Variants in LRSAM1 observed in about 807,000 individuals in gnomAD.
LRSAM1 encodes the protein leucine rich repeat and sterile alpha motif containing 1.
LRSAM1 carries 96 observed loss-of-function variants against 118.1 expected under a neutral mutation model. That is an observed-to-expected ratio of 0.81 (90% CI 0.69 to 0.96). The LOEUF (loss-of-function observed/expected upper bound fraction) is 0.96. Ranked by LOEUF, LRSAM1 falls within the 40% of genes least tolerant of loss-of-function variation. LRSAM1 has a pLI of 0.00. For synonymous variants in LRSAM1, 322 were observed against 364.2 expected (o/e 0.88, Z 1.32); for missense variants, 804 against 915.5 (o/e 0.88, Z 1.57).
At chr9:127,463,198 CAAAAAAAAAAAA>C (rs35181083) in intron 9 of LRSAM1, among the ~76,000 whole-genome samples, 1 of 98,756 alleles carries the variant, frequency 1.0e-5, no homozygotes, top group African/African-American at 4.0e-5. Flanking sequence ...GACTTTGTCT[CAAAAAAAAAAAA>C]AAAAAAAAAA....
rs1835928666 is a variant in LRSAM1, at chr9:127,491,401, C to T, written c.1503+106C>T. The T allele has an allele frequency of 3.3e-5, 28 of 857,122 alleles. No homozygotes were observed. The East Asian group carries it at 7.2e-4, about 22-fold the overall frequency. The allele number at this position is 857,122 out of a possible 1,614,324, so 53.1% of individuals were successfully genotyped here. On this transcript the variant is annotated intron_variant, in intron 20 of 25. Coordinates refer to ENST00000300417, the MANE Select transcript of LRSAM1 (RefSeq NM_001005373.4). ...CTCACCAGCCCCTGGGAGTCAAGGG[C>T]TTCCCCAGCAGACAGAGGGCAGAGC... is the stretch of plus-strand genomic sequence containing the variant.
intron 9 of LRSAM1, among the ~76,000 whole-genome samples, chr9:127,464,640 A>G (rs968555983): frequency 5.3e-5 from 8 of 151,380 alleles, no homozygotes; most frequent in Non-Finnish European, 1.2e-4. Flanking sequence ...TGAGTTCTGG[A>G]CACTTCAATT....
At chr9:127,499,387 A>G (rs959754715) in intron 24 of LRSAM1, among the ~76,000 whole-genome samples, 10 of 151,850 alleles carry the variant, frequency 6.6e-5, no homozygotes, top group Admixed American at 2.6e-4. Flanking sequence ...AAACAAAAAA[A>G]TTAAAAAAAA....
intron 20 of LRSAM1, among the ~76,000 whole-genome samples, chr9:127,491,832 C>T (rs898113163): frequency 2.0e-5 from 3 of 152,210 alleles, no homozygotes; most frequent in African/African-American, 4.8e-5. Context: ...TGCCTGGGAG[C>T]CGGGTGTGGC....
intron 7 of LRSAM1, among the ~76,000 whole-genome samples, chr9:127,460,824 G>A (rs114552588): frequency 2.0e-5 from 3 of 147,858 alleles, no homozygotes; most frequent in Non-Finnish European, 4.5e-5. Flanking sequence ...GTGGGTTCTC[G>A]TGTCACCTCT....
At position 127,479,897 on chromosome 9, in the gene LRSAM1, G is replaced by A. The variant is rs145881988; in HGVS notation, c.962G>A (p.Arg321Gln). Residue 321 changes from arginine to glutamine, a missense_variant, in exon 14 of 26, where the codon CGG (arginine) becomes CAG (glutamine). Coordinates refer to ENST00000300417, the MANE Select transcript of LRSAM1 (RefSeq NM_001005373.4). ...CACCAGCGCCACCTCAACGCAGAGC[G>A]GCAGCGGCTGCAGGAGCAGCTGAAG... ...SEHQRHLNAE[R>Q]QRLQEQLKQT... 2.2e-5 allele frequency: 36 copies of A among 1,611,702 alleles called. No homozygotes were observed. Among genetic ancestry groups the A allele is most frequent in the Middle Eastern group, 1.7e-4 (1 of 6,050 alleles).
chr9:127,457,424 C>T, intron 6 of LRSAM1, 31 bp downstream of exon 6: 2 of 1,607,088 alleles, frequency 1.2e-6, no homozygotes, highest in Non-Finnish European at 1.7e-6. Context: ...GCAGCTGGGG[C>T]TCTGCATGGG....
At chr9:127,483,246 T>G (rs926412947) in intron 16 of LRSAM1, among the ~76,000 whole-genome samples, 4 of 152,210 alleles carry the variant, frequency 2.6e-5, no homozygotes, top group African/African-American at 9.6e-5. Context: ...TACTGCTTAC[T>G]GCTCCCCAAC....
At chr9:127,467,270 A>AAAC (rs1357853162) in intron 9 of LRSAM1, among the ~76,000 whole-genome samples, 1 of 150,700 alleles carries the variant, frequency 6.6e-6, no homozygotes, top group African/African-American at 2.4e-5. Flanking sequence ...TACAAAAAAT[A>AAAC]AACAGTTCCA....
chr9:127,481,084 C>A, intron 14 of LRSAM1, 99 bp from the exon 15 acceptor site: 1 of 1,331,800 alleles, frequency 7.5e-7, no homozygotes, highest in Non-Finnish European at 1.1e-6. Context: ...GCCAAGGTGC[C>A]CCCAGCCCAT....
Position 127,451,521 on chromosome 9 carries a change from G to A in LRSAM1, c.-337G>A. The A allele has an allele frequency of 1.6e-6, 1 of 621,970 alleles. No individual in the cohort carries two copies. Among genetic ancestry groups the A allele is most frequent in the Non-Finnish European group, 2.8e-6 (1 of 357,796 alleles). 38.5% of individuals were successfully genotyped at this position (621,970 alleles called of 1,614,324 possible). A position where few individuals can be genotyped will look rare whatever the true frequency, so the allele number is the denominator to read the frequency against. On this transcript the variant is annotated 5_prime_UTR_variant, in exon 1 of 26. Coordinates refer to ENST00000300417, the MANE Select transcript of LRSAM1 (RefSeq NM_001005373.4). ...TTGTCGCCATGTTTGTTGTGGGCAG[G>A]CGCCTGAGGCTGACGGCTGGCAAGC...
intron 24 of LRSAM1, among the ~76,000 whole-genome samples, chr9:127,500,193 T>G (rs944368867): frequency 2.0e-4 from 30 of 151,692 alleles, no homozygotes; most frequent in African/African-American, 6.0e-4. Flanking sequence ...AAACCCCACC[T>G]CTACTAAAGA....
Position 127,454,994 on chromosome 9 carries a change from T to G in LRSAM1, c.73-4T>G. ...TACTTTTTAAAAATTCTTTTTATCCTTAGGCAAAAGAAGCTGGGGCAGATG... is the reference window on the plus strand; with the variant it reads ...TACTTTTTAAAAATTCTTTTTATCCGTAGGCAAAAGAAGCTGGGGCAGATG... On this transcript the variant is annotated splice_region_variant and splice_polypyrimidine_tract_variant and intron_variant, in intron 3 of 25. Transcript: ENST00000300417. 1 of 1,613,994 alleles carries G rather than the reference T, an allele frequency of 6.2e-7. No homozygotes were observed. The highest frequency in any genetic ancestry group is 8.5e-7 in the Non-Finnish European group (1 of 1,179,822).
At chr9:127,491,410 C>T in intron 20 of LRSAM1, 115 bp downstream of exon 20, 1 of 797,340 alleles carries the variant, frequency 1.3e-6, no homozygotes, top group Non-Finnish European at 2.2e-6. Context: ...GCTTCCCCAG[C>T]AGACAGAGGG....
chr9:127,467,843 C>T lies in LRSAM1; in HGVS notation c.619+13C>T, dbSNP rs148704769. On this transcript the variant is annotated intron_variant, in intron 10 of 25. Coordinates refer to ENST00000300417, the MANE Select transcript of LRSAM1 (RefSeq NM_001005373.4). ...TTCCTCTGCAAAGGTAAAGCCAGGCCGCTGCCTCCTCCCCTCATTGAGGAA... is the reference window on the plus strand; with the variant it reads ...TTCCTCTGCAAAGGTAAAGCCAGGCTGCTGCCTCCTCCCCTCATTGAGGAA... 4.0e-4 allele frequency: 632 copies of T among 1,568,106 alleles called. 10 individuals are homozygous for T. In the East Asian group the frequency reaches 0.011, roughly 28 times the overall value.
intron 14 of LRSAM1, among the ~76,000 whole-genome samples, chr9:127,480,960 T>G (rs1221403577): frequency 6.6e-6 from 1 of 152,180 alleles, no homozygotes; most frequent in Non-Finnish European, 1.5e-5. Context: ...ATTACAGATG[T>G]GAGCCACTGT....
intron 9 of LRSAM1, 26 bp from the exon 10 acceptor site, chr9:127,467,714 A>G (rs1393542526): frequency 1.3e-6 from 2 of 1,598,548 alleles, no homozygotes; most frequent in Admixed American, 3.5e-5. Context: ...AGCGAACAGT[A>G]AAGCGGGTTA....
chr9:127,498,461 T>C (rs1200414081), intron 24 of LRSAM1, among the ~76,000 whole-genome samples: 3 of 152,188 alleles, frequency 2.0e-5, no homozygotes, highest in Non-Finnish European at 2.9e-5. Flanking sequence ...ACAGGTGCCC[T>C]TCACCCTGAG....
At chr9:127,482,486 G>A (rs926311335) in intron 15 of LRSAM1, among the ~76,000 whole-genome samples, 4 of 152,110 alleles carry the variant, frequency 2.6e-5, no homozygotes, top group Admixed American at 1.3e-4. Context: ...CATTTTGCTA[G>A]GTGCCAACTT....
Sources: allele counts gnomAD v4.1 joint callset (sites outside exome capture counted in the v4.1 genomes callset), GRCh38; gene constraint gnomAD v4.1.1; transcripts MANE v1.5; gene names NCBI Gene and HGNC (gene_info 2026-07-23, HGNC 2026-07-21).